Variants in CECR2 observed in about 807,000 individuals in gnomAD.
CECR2 encodes the protein chromatin remodeling regulator CECR2.
CECR2 carries 30 observed loss-of-function variants against 154.5 expected under a neutral mutation model. The ratio of observed to expected loss-of-function variants is 0.19; its 90% CI spans 0.15 to 0.26. The LOEUF is 0.26. Among genes scored for constraint, CECR2 ranks in the 10% least tolerant of loss-of-function variants. CECR2 has a pLI of 1.00. For missense variants in CECR2, 1,743 were observed against 1,829.3 expected, an observed-to-expected ratio of 0.95 and a Z score of 0.86; for synonymous variants, 725 against 683.7, an observed-to-expected ratio of 1.06 and a Z score of -0.94.
rs2056734334 is a variant in CECR2, at chr22:17,553,139, T to C, written c.*299T>C. ...TGACTTTTCCAAATCCTGAGACACTTTTCAGGGAAAATCACTTTAAACTTG... is the reference window on the plus strand; with the variant it reads ...TGACTTTTCCAAATCCTGAGACACTCTTCAGGGAAAATCACTTTAAACTTG... On this transcript the variant is annotated 3_prime_UTR_variant, in exon 19 of 19. Coordinates refer to ENST00000262608, the MANE Select transcript of CECR2 (RefSeq NM_001290047.2). The C allele has an allele frequency of 7.6e-6, 3 of 395,500 alleles. No individual in the cohort carries two copies. The East Asian group carries it at 1.5e-4, about 20-fold the overall frequency. 24.5% of individuals were successfully genotyped at this position (395,500 alleles called of 1,614,324 possible). A position where few individuals can be genotyped will look rare whatever the true frequency, so the allele number is the denominator to read the frequency against.
At chr22:17,446,750 CA>C (rs113024953) in intron 1 of CECR2, among the ~76,000 whole-genome samples, 42,897 of 151,748 alleles carry the variant, frequency 0.28, 8,371 homozygotes, top group East Asian at 0.54. Context: ...GGTGCAGACA[CA>C]AAAGAGTGAG....
chr22:17,536,964 A>C (rs1434094059), intron 9 of CECR2, 139 bp from the exon 10 acceptor site: 3 of 870,538 alleles, frequency 3.4e-6, no homozygotes, highest in Non-Finnish European at 5.2e-6. Context: ...TACCAAAAAG[A>C]GGGTGGCACA....
At chr22:17,546,312 C>T (rs1421050771) in intron 16 of CECR2, among the ~76,000 whole-genome samples, 2 of 151,704 alleles carry the variant, frequency 1.3e-5, no homozygotes, top group Non-Finnish European at 2.9e-5. Flanking sequence ...ACGGTGAAAC[C>T]CCATCTGTAC....
At chr22:17,481,341 T>C (rs1601429766) in intron 2 of CECR2, among the ~76,000 whole-genome samples, 1 of 23,518 alleles carries the variant, frequency 4.3e-5, no homozygotes, top group African/African-American at 1.8e-4. Flanking sequence ...AGACTCTGTC[T>C]CAAAAAAAAA....
In CECR2 at chr22:17,455,817, G is replaced by A. The variant is rs5747169; in HGVS notation, c.127-21771G>A. Among the ~76,000 whole-genome samples the A allele has an allele frequency of 0.021, 3,255 of 152,248 alleles. 188 individuals are homozygous for A. In the East Asian group the frequency reaches 0.24, roughly 11 times the overall value. On this transcript the variant is annotated intron_variant, in intron 1 of 18. Coordinates refer to ENST00000262608, the MANE Select transcript of CECR2 (RefSeq NM_001290047.2). ...GTAGAGACGGGGTTTCACCATGTTA[G>A]TCAGGCTGGTCTCGAACTTCTGACC...
At chr22:17,534,172 G>T (rs2056401767) in intron 9 of CECR2, among the ~76,000 whole-genome samples, 1 of 152,120 alleles carries the variant, frequency 6.6e-6, no homozygotes, top group South Asian at 2.1e-4. Context: ...GGGTTTTTCA[G>T]AAACAGTGCC....
chr22:17,416,562 G>T (rs2054159001), intron 1 of CECR2, among the ~76,000 whole-genome samples: 2 of 152,102 alleles, frequency 1.3e-5, no homozygotes, highest in Non-Finnish European at 2.9e-5. Flanking sequence ...TCTTGCTCTG[G>T]TCGCCCAGAC....
chr22:17,362,913 A>G, intron 1 of CECR2, among the ~76,000 whole-genome samples: 1 of 151,706 alleles, frequency 6.6e-6, no homozygotes, highest in Non-Finnish European at 1.5e-5. Context: ...AAAAAAAAAA[A>G]AAAAAAAAAG....
At chr22:17,411,937 G>A (rs1276854602) in intron 1 of CECR2, among the ~76,000 whole-genome samples, 1 of 152,022 alleles carries the variant, frequency 6.6e-6, no homozygotes, top group African/African-American at 2.4e-5. Flanking sequence ...ATATGGCCAT[G>A]CTGTCACTTA....
At chr22:17,457,517 C>T (rs1161912646) in intron 1 of CECR2, among the ~76,000 whole-genome samples, 6 of 152,220 alleles carry the variant, frequency 3.9e-5, no homozygotes, top group Admixed American at 3.9e-4. Flanking sequence ...GAACTCTTCA[C>T]TGAGGCATAA....
upstream of CECR2, among the ~76,000 whole-genome samples, chr22:17,367,721 C>T (rs1239441296): frequency 6.6e-6 from 1 of 152,192 alleles, no homozygotes; most frequent in Non-Finnish European, 1.5e-5. Flanking sequence ...CAAAGTCAAA[C>T]TGTGAGGAAA....
At chr22:17,476,284 A>C (rs540484592) in intron 1 of CECR2, among the ~76,000 whole-genome samples, 1 of 151,516 alleles carries the variant, frequency 6.6e-6, no homozygotes, top group Non-Finnish European at 1.5e-5. Flanking sequence ...TGTTTGTTTG[A>C]GACAGTGTCT....
intron 2 of CECR2, among the ~76,000 whole-genome samples, chr22:17,490,310 A>T (rs577307810): frequency 1.8e-4 from 27 of 152,020 alleles, no homozygotes; most frequent in Non-Finnish European, 1.0e-4. Flanking sequence ...TAGTCCTGGG[A>T]AGTTGTTCCA....
intron 2 of CECR2, among the ~76,000 whole-genome samples, chr22:17,495,387 G>A (rs2055604893): frequency 6.6e-6 from 1 of 151,862 alleles, no homozygotes; most frequent in Non-Finnish European, 1.5e-5. Flanking sequence ...TGGCCAACGT[G>A]GTGAAACCCT....
chr22:17,502,747 G>A (rs1262582638), intron 5 of CECR2, among the ~76,000 whole-genome samples: 1 of 152,156 alleles, frequency 6.6e-6, no homozygotes, highest in African/African-American at 2.4e-5. Flanking sequence ...AGGTTGCAGT[G>A]AGCTGAAATC....
chr22:17,542,049 G>A, intron 15 of CECR2, 82 bp downstream of exon 15: 4 of 1,572,878 alleles, frequency 2.5e-6, no homozygotes, highest in Non-Finnish European at 3.5e-6. Flanking sequence ...CAGGTTAAAT[G>A]TTGTTCATTG....
At chr22:17,520,597 C>A (rs116669616) in intron 8 of CECR2, among the ~76,000 whole-genome samples, 2,696 of 152,118 alleles carry the variant, frequency 0.018, 82 homozygotes, top group African/African-American at 0.062. Flanking sequence ...CTGACAGACC[C>A]CGGTGTGTGA....
chr22:17,497,156 G>A (rs55656802), intron 2 of CECR2, among the ~76,000 whole-genome samples: 27 of 152,268 alleles, frequency 1.8e-4, no homozygotes, highest in Non-Finnish European at 3.1e-4. Flanking sequence ...TTAGCTGGGT[G>A]TGGTGGTGCA....
chr22:17,374,556 G>A (rs1477884792), intron 1 of CECR2, among the ~76,000 whole-genome samples: 2 of 152,138 alleles, frequency 1.3e-5, no homozygotes, highest in Non-Finnish European at 2.9e-5. Flanking sequence ...ACCCATACGA[G>A]GTTAAGAAGC....
Sources: allele counts gnomAD v4.1 joint callset (sites outside exome capture counted in the v4.1 genomes callset), GRCh38; gene constraint gnomAD v4.1.1; transcripts MANE v1.5; gene names NCBI Gene and HGNC (gene_info 2026-07-23, HGNC 2026-07-21).